Variants in PIAS1 observed in about 807,000 individuals in gnomAD.
The protein encoded by PIAS1 is protein inhibitor of activated STAT 1.
Under a neutral mutation model 71.3 loss-of-function variants are expected in PIAS1, and 6 were observed. The ratio of observed to expected loss-of-function variants is 0.08; its 90% CI spans 0.05 to 0.17. PIAS1 has a LOEUF of 0.17. PIAS1 is among the 10% of genes least tolerant of loss of function. The pLI, the probability that PIAS1 is intolerant of heterozygous loss-of-function variation, is 1.00. For missense variants in PIAS1, 555 were observed against 793.6 expected (o/e 0.70, Z 3.61); for synonymous variants, 303 against 292.9 (o/e 1.03, Z -0.35).
intron 7 of PIAS1, among the ~76,000 whole-genome samples, chr15:68,162,998 C>T (rs1487585704): frequency 6.6e-6 from 1 of 152,218 alleles, no homozygotes. Flanking sequence ...ACATCTTCCT[C>T]ACTCATCCAC....
At chr15:68,130,215 A>G (rs112675436) in intron 2 of PIAS1, among the ~76,000 whole-genome samples, 3,209 of 152,154 alleles carry the variant, frequency 0.021, 116 homozygotes, top group African/African-American at 0.073. Flanking sequence ...GAATTAATAA[A>G]TAAACCTTAA....
intron 4 of PIAS1, among the ~76,000 whole-genome samples, chr15:68,143,129 T>C (rs1009136696): frequency 6.6e-6 from 1 of 151,984 alleles, no homozygotes; most frequent in African/African-American, 2.4e-5. Flanking sequence ...TATTATTCGA[T>C]TTACCAACTT....
intron 2 of PIAS1, among the ~76,000 whole-genome samples, chr15:68,110,364 G>A (rs555190702): frequency 1.9e-4 from 29 of 152,270 alleles, no homozygotes; most frequent in African/African-American, 6.5e-4. Context: ...GGAGGCCGAG[G>A]TGGGTGGATC....
At chr15:68,142,591 A>G (rs2092779152) in intron 4 of PIAS1, among the ~76,000 whole-genome samples, 2 of 152,084 alleles carry the variant, frequency 1.3e-5, no homozygotes, top group Admixed American at 1.3e-4. Flanking sequence ...GTTATGAGAT[A>G]TTCTAATTTT....
chr15:68,081,125 A>T (rs2092224348), intron 1 of PIAS1, among the ~76,000 whole-genome samples: 1 of 152,104 alleles, frequency 6.6e-6, no homozygotes, highest in South Asian at 2.1e-4. Flanking sequence ...TGTAGTTGGG[A>T]CAGAGTTTGC....
rs1397936637 is a variant in PIAS1 at position 68,191,595 on chromosome 15, T to C, written c.*3760T>C. On this transcript the variant is annotated 3_prime_UTR_variant, in exon 14 of 14. Coordinates refer to ENST00000249636, the MANE Select transcript of PIAS1 (RefSeq NM_016166.3). ...AAGCATGACAAGTAACTAACTAATT[T>C]TCTTGCAGCATGCTTTGAGGTAAGT... 1.3e-5 allele frequency: 2 copies of C among 152,812 alleles called. No homozygotes were observed. Among genetic ancestry groups the C allele is most frequent in the East Asian group, 3.9e-4 (2 of 5,194 alleles). 9.5% of individuals were successfully genotyped at this position (152,812 alleles called of 1,614,324 possible).
intron 2 of PIAS1, among the ~76,000 whole-genome samples, chr15:68,133,246 T>C (rs2092699468): frequency 6.6e-6 from 1 of 152,072 alleles, no homozygotes; most frequent in African/African-American, 2.4e-5. Flanking sequence ...GTGTAACTAA[T>C]CTATGATAGA....
chr15:68,088,622 A>G (rs2092307445), intron 2 of PIAS1, among the ~76,000 whole-genome samples: 1 of 152,094 alleles, frequency 6.6e-6, no homozygotes, highest in African/African-American at 2.4e-5. Flanking sequence ...AAAAGATCTC[A>G]CCACAAAGTA....
At chr15:68,184,695 A>G (rs2093076046) in intron 13 of PIAS1, 1 of 152,358 alleles carries the variant, frequency 6.6e-6, no homozygotes, top group South Asian at 2.1e-4. Context: ...ATTACTTGCC[A>G]GACAAATTTT....
intron 1 of PIAS1, among the ~76,000 whole-genome samples, chr15:68,079,495 C>T (rs547791383): frequency 6.6e-6 from 1 of 152,234 alleles, no homozygotes; most frequent in East Asian, 1.9e-4. Context: ...GAGACAGTGT[C>T]TCACTCTGTT....
At chr15:68,131,914 A>T (rs1433347474) in intron 2 of PIAS1, among the ~76,000 whole-genome samples, 1 of 151,976 alleles carries the variant, frequency 6.6e-6, no homozygotes, top group Non-Finnish European at 1.5e-5. Flanking sequence ...TTAAAAAAAA[A>T]ATCCTAGGCT....
At chr15:68,166,422 A>T (rs984937647) in intron 8 of PIAS1, among the ~76,000 whole-genome samples, 1 of 149,634 alleles carries the variant, frequency 6.7e-6, no homozygotes, top group African/African-American at 2.5e-5. Flanking sequence ...AAAAAGACAA[A>T]TTTTTTTTTT....
intron 1 of PIAS1, among the ~76,000 whole-genome samples, chr15:68,073,217 C>T (rs1014363946): frequency 6.6e-6 from 1 of 152,098 alleles, no homozygotes; most frequent in African/African-American, 2.4e-5. Context: ...CGGGGTTTCA[C>T]TGTATTAGCC....
rs770896139 is a variant in PIAS1 at position 68,189,488 on chromosome 15, A to AT, written c.*1655dup. On this transcript the variant is annotated 3_prime_UTR_variant, in exon 14 of 14. Coordinates refer to ENST00000249636, the MANE Select transcript of PIAS1 (RefSeq NM_016166.3). ...AATGATCAACTTTAATCCAGGTAGAATTCAAGATGGCTGTACTTCAGTTGT... is the reference window on the plus strand; with the variant it reads ...AATGATCAACTTTAATCCAGGTAGAATTTCAAGATGGCTGTACTTCAGTTGT... 1.3e-5 allele frequency: 2 copies of AT among 152,216 alleles called. No individual in the cohort carries two copies. Among genetic ancestry groups the AT allele is most frequent in the African/African-American group, 2.4e-5 (1 of 41,442 alleles). The allele number at this position is 152,216 out of a possible 1,614,324, so 9.4% of individuals were successfully genotyped here.
intron 1 of PIAS1, among the ~76,000 whole-genome samples, chr15:68,058,379 G>A (rs568526140): frequency 6.6e-6 from 1 of 152,278 alleles, no homozygotes; most frequent in South Asian, 2.1e-4. Flanking sequence ...GTTCTTTGAG[G>A]TAGGAAAGGC....
At chr15:68,098,001 T>C (rs1049390181) in intron 2 of PIAS1, among the ~76,000 whole-genome samples, 1 of 152,204 alleles carries the variant, frequency 6.6e-6, no homozygotes, top group Non-Finnish European at 1.5e-5. Flanking sequence ...TTTATTTTTT[T>C]CCCAAAACTT....
chr15:68,156,442 C>A (rs60902017), intron 7 of PIAS1, among the ~76,000 whole-genome samples: 146 of 151,888 alleles, frequency 9.6e-4, no homozygotes, highest in African/African-American at 3.3e-3. Flanking sequence ...AGTGGCTCAC[C>A]CTTGTAATCC....
In PIAS1 at chr15:68,086,191, C is replaced by T; in HGVS notation, c.25-115C>T. 1 of 657,722 alleles carries T rather than the reference C, an allele frequency of 1.5e-6. No homozygotes were observed. 40.7% of individuals were successfully genotyped at this position (657,722 alleles called of 1,614,324 possible). On this transcript the variant is annotated intron_variant, in intron 1 of 13. Transcript: ENST00000249636. The surrounding 1 kb of genome is among the most constrained non-coding windows in gnomAD (Gnocchi z 7.2). ...TTGAAATAATAGGATTATAAGTGAG[C>T]TGGCCTTTATTTGCTTAAGTAAACC...
Position 68,188,429 on chromosome 15 carries a change from C to T in PIAS1, c.*594C>T, listed in dbSNP as rs1215859073. The T allele has an allele frequency of 6.5e-6, 1 of 153,054 alleles. No homozygotes were observed. The highest frequency in any genetic ancestry group is 1.5e-5 in the Non-Finnish European group (1 of 68,710). The allele number at this position is 153,054 out of a possible 1,614,324, so 9.5% of individuals were successfully genotyped here. ...GACATGGCTCGTGGGTGTGTGTGTT[C>T]ATTGTGTGCGTCTGTATGTATTTTT... On this transcript the variant is annotated 3_prime_UTR_variant, in exon 14 of 14. Coordinates refer to ENST00000249636, the MANE Select transcript of PIAS1 (RefSeq NM_016166.3).
Sources: gnomAD v4.1 joint callset for allele counts (sites outside exome capture counted in the v4.1 genomes callset) on GRCh38, gnomAD v4.1.1 for gene constraint, Gnocchi (gnomAD v3.1) non-coding constraint, MANE v1.5 for transcripts, NCBI Gene and HGNC (gene_info 2026-07-23, HGNC 2026-07-21) for gene names.